The following ME3 variants were observed in gnomAD, a reference collection of about 807,000 sequenced individuals.
ME3 encodes NADP-dependent malic enzyme, mitochondrial.
A neutral mutation model predicts 68.9 loss-of-function variants in ME3; 48 were observed. That is an observed-to-expected ratio of 0.70 (90% CI 0.55 to 0.89). The LOEUF is 0.89. ME3 is among the 40% of genes least tolerant of loss of function. ME3 has a pLI of 0.00. For synonymous variants in ME3, 320 were observed against 318.8 expected, an observed-to-expected ratio of 1.00 and a Z score of -0.04; for missense variants, 675 against 797.4, an observed-to-expected ratio of 0.85 and a Z score of 1.85.
chr11:86,569,160 A>C (rs1957644210), intron 2 of ME3, among the ~76,000 whole-genome samples: 1 of 152,236 alleles, frequency 6.6e-6, no homozygotes, highest in Non-Finnish European at 1.5e-5. Flanking sequence ...AGAGCTCATG[A>C]GCAGATGCTG....
chr11:86,542,746 G>C (rs1956124050), intron 4 of ME3, among the ~76,000 whole-genome samples: 1 of 152,170 alleles, frequency 6.6e-6, no homozygotes, highest in Non-Finnish European at 1.5e-5. Context: ...TGTTATCCAG[G>C]AGAATTTCCC....
chr11:86,559,898 C>T, intron 2 of ME3, 75 bp from the exon 3 acceptor site: 1 of 1,504,356 alleles, frequency 6.6e-7, no homozygotes, highest in Non-Finnish European at 9.0e-7. Context: ...GGGTCCCACC[C>T]ACAGATAGGT....
intron 5 of ME3, 147 bp from the exon 6 acceptor site, chr11:86,498,271 C>T: frequency 2.1e-6 from 2 of 940,078 alleles, no homozygotes; most frequent in Non-Finnish European, 3.0e-6. Flanking sequence ...AAGGCCGGAG[C>T]ATTTATTCAC....
chr11:86,663,063 A>G (rs938535251), intron 2 of ME3, among the ~76,000 whole-genome samples: 1 of 152,208 alleles, frequency 6.6e-6, no homozygotes, highest in Non-Finnish European at 1.5e-5. Flanking sequence ...ATTCCACACT[A>G]CAGAGGAAGA....
chr11:86,532,686 A>T (rs1955346819), intron 4 of ME3, among the ~76,000 whole-genome samples: 1 of 152,222 alleles, frequency 6.6e-6, no homozygotes, highest in Non-Finnish European at 1.5e-5. Context: ...GAAACTGGAA[A>T]CATAGCATAA....
At chr11:86,540,479 A>T (rs1955973077) in intron 4 of ME3, among the ~76,000 whole-genome samples, 1 of 152,162 alleles carries the variant, frequency 6.6e-6, no homozygotes, top group Admixed American at 6.5e-5. Flanking sequence ...TTGGTATGAC[A>T]CACCCCAGAT....
Position 86,631,632 on chromosome 11 carries a change from G to T in ME3, c.183+40130C>A, listed in dbSNP as rs1944022576. On this transcript the variant is annotated intron_variant, in intron 2 of 14. Coordinates refer to ENST00000543262, the Ensembl canonical transcript of ME3. ...AATTCTGATGCATCTGGAACCATGGGCATAATAAAGACAATTTGAGTGAAG... is the reference window on the plus strand; with the variant it reads ...AATTCTGATGCATCTGGAACCATGGTCATAATAAAGACAATTTGAGTGAAG... Among the ~76,000 whole-genome samples the T allele has an allele frequency of 2.0e-5, 3 of 152,152 alleles. No individual in the cohort carries two copies. In the South Asian group the frequency reaches 6.2e-4, roughly 32 times the overall value.
At chr11:86,633,675 C>G (rs1944155239) in intron 2 of ME3, among the ~76,000 whole-genome samples, 1 of 152,194 alleles carries the variant, frequency 6.6e-6, no homozygotes, top group Admixed American at 6.5e-5. Flanking sequence ...AACCCAAATG[C>G]ATGCTGTTCT....
intron 5 of ME3, among the ~76,000 whole-genome samples, chr11:86,503,926 A>G (rs601824): frequency 0.77 from 116,580 of 151,996 alleles, 44,963 homozygotes; most frequent in Non-Finnish European, 0.8. Flanking sequence ...CTGTGGGAAA[A>G]AGTCAGAAAA....
intron 2 of ME3, among the ~76,000 whole-genome samples, chr11:86,614,195 G>C (rs1594671685): frequency 6.6e-6 from 1 of 152,292 alleles, no homozygotes; most frequent in East Asian, 1.9e-4. Context: ...GGAGAAGACA[G>C]AGCTTAAATG....
intron 7 of ME3, among the ~76,000 whole-genome samples, chr11:86,481,849 G>A (rs571145187): frequency 5.5e-4 from 84 of 152,270 alleles, no homozygotes; most frequent in African/African-American, 1.9e-3. Flanking sequence ...AGGGGGCAAA[G>A]GATAGCACAC....
chr11:86,457,586 A>T, intron 8 of ME3: 1 of 1,190,928 alleles, frequency 8.4e-7, no homozygotes, highest in Non-Finnish European at 1.1e-6. Context: ...CTCCATCATT[A>T]ACCTGCATTT....
At chr11:86,509,531 C>A (rs1408347977) in intron 4 of ME3, among the ~76,000 whole-genome samples, 1 of 152,184 alleles carries the variant, frequency 6.6e-6, no homozygotes, top group Non-Finnish European at 1.5e-5. Flanking sequence ...TGCAAGTTTG[C>A]AGCTTTTTGC....
At chr11:86,511,162 A>G (rs538080360) in intron 4 of ME3, among the ~76,000 whole-genome samples, 1 of 152,356 alleles carries the variant, frequency 6.6e-6, no homozygotes, top group East Asian at 1.9e-4. Flanking sequence ...ATAATCTTGT[A>G]ACATCCACTC....
intron 2 of ME3, among the ~76,000 whole-genome samples, chr11:86,637,125 C>G (rs538896634): frequency 6.6e-6 from 1 of 152,248 alleles, no homozygotes; most frequent in South Asian, 2.1e-4. Context: ...GGTTTCAAGA[C>G]TAACAGTGTG....
intron 8 of ME3, among the ~76,000 whole-genome samples, chr11:86,458,727 T>G (rs72967963): frequency 5.9e-4 from 89 of 152,092 alleles, no homozygotes; most frequent in Non-Finnish European, 1.2e-3. Context: ...TGCTACTCAG[T>G]GTGTGTAGTG....
intron 2 of ME3, among the ~76,000 whole-genome samples, chr11:86,657,182 A>G (rs1430978821): frequency 6.6e-6 from 1 of 152,184 alleles, no homozygotes; most frequent in Non-Finnish European, 1.5e-5. Flanking sequence ...TGTTTATTGC[A>G]GCACTATTCA....
At chr11:86,491,899 G>A (rs1952033731) in intron 6 of ME3, among the ~76,000 whole-genome samples, 1 of 152,232 alleles carries the variant, frequency 6.6e-6, no homozygotes, top group African/African-American at 2.4e-5. Context: ...AAATTTAAAT[G>A]TCACTGGTGT....
chr11:86,596,475 T>C (rs1049285078), intron 2 of ME3, among the ~76,000 whole-genome samples: 5 of 152,204 alleles, frequency 3.3e-5, no homozygotes, highest in Admixed American at 6.5e-5. Flanking sequence ...CAGGAAAATG[T>C]TTAACCAGGA....
Sources: allele counts gnomAD v4.1 joint callset (sites outside exome capture counted in the v4.1 genomes callset), GRCh38; gene constraint gnomAD v4.1.1; transcripts MANE v1.5; gene names NCBI Gene and HGNC (gene_info 2026-07-23, HGNC 2026-07-21).